The following ADAMTSL1 variants were observed in gnomAD, a reference collection of about 807,000 sequenced individuals.
The protein encoded by ADAMTSL1 is ADAMTS-like protein 1.
In ADAMTSL1, 126 loss-of-function variants were observed where a neutral mutation model predicts 201.8. The observed-to-expected ratio is 0.62, with a 90% CI of 0.54 to 0.72. ADAMTSL1 has a LOEUF of 0.72. Among genes scored for constraint, ADAMTSL1 ranks in the 30% least tolerant of loss-of-function variants. ADAMTSL1 has a pLI of 0.00. For missense variants in ADAMTSL1, 2,679 were observed against 2,277.8 expected (o/e 1.18, Z -3.59); for synonymous variants, 1,121 against 903.4 (o/e 1.24, Z -4.32).
intron 1 of ADAMTSL1, among the ~76,000 whole-genome samples, chr9:17,978,124 T>A (rs1818528296): frequency 6.6e-6 from 1 of 152,110 alleles, no homozygotes; most frequent in South Asian, 2.1e-4. Flanking sequence ...ATACTTCTGT[T>A]CTCTTTTAGT....
At position 18,910,612 on chromosome 9, in the gene ADAMTSL1, C is replaced by G. The variant is rs1336469404; in HGVS notation, c.*2064C>G. ...ATGATAAAGACAGACAAATTCCATA[C>G]TACTACTAATGTGGTTAATTATTTC... On this transcript the variant is annotated 3_prime_UTR_variant, in exon 29 of 29. Coordinates refer to ENST00000380548, the MANE Select transcript of ADAMTSL1 (RefSeq NM_001040272.6). The G allele has an allele frequency of 6.6e-6, 1 of 152,202 alleles. No individual in the cohort carries two copies. The highest frequency in any genetic ancestry group is 1.5e-5 in the Non-Finnish European group (1 of 68,034). The allele number at this position is 152,202 out of a possible 1,614,324, so 9.4% of individuals were successfully genotyped here. A position where few individuals can be genotyped will look rare whatever the true frequency, so the allele number is the denominator to read the frequency against.
upstream of ADAMTSL1, among the ~76,000 whole-genome samples, chr9:18,470,717 C>G (rs1821173937): frequency 6.6e-6 from 1 of 152,236 alleles, no homozygotes; most frequent in Non-Finnish European, 1.5e-5. Context: ...TTAGCTCACT[C>G]TTTCCTCCCA....
chr9:18,788,868 G>A (rs913526480), intron 19 of ADAMTSL1, among the ~76,000 whole-genome samples: 1 of 144,464 alleles, frequency 6.9e-6, no homozygotes, highest in Non-Finnish European at 1.5e-5. Flanking sequence ...CAGAATTCTG[G>A]CTTTTTTTTT....
intron 1 of ADAMTSL1, among the ~76,000 whole-genome samples, chr9:18,117,018 C>A (rs1490731691): frequency 2.0e-5 from 3 of 152,296 alleles, no homozygotes; most frequent in African/African-American, 7.2e-5. Context: ...CATTTGACTT[C>A]TCTTTTTTTC....
intron 2 of ADAMTSL1, among the ~76,000 whole-genome samples, chr9:18,326,007 GC>G (rs2132879041): frequency 6.6e-6 from 1 of 152,314 alleles, no homozygotes; most frequent in Admixed American, 6.5e-5. Context: ...CTCCCAAAGT[GC>G]TGGGATTACA....
At position 18,037,558 on chromosome 9, in the gene ADAMTSL1, T is replaced by A. The variant is rs140587437; in HGVS notation, c.88-126304T>A. ...AAGTGTTAATGATTGTCAAAGTATT[T>A]CAAAACTATGAAATGTGTATATATA... On this transcript the variant is annotated intron_variant, in intron 1 of 29. Coordinates refer to the ADAMTSL1 transcript ENST00000680146. Among the ~76,000 whole-genome samples the A allele has an allele frequency of 2.4e-3, 365 of 152,312 alleles. 1 individual carries two copies. Among genetic ancestry groups the A allele is most frequent in the African/African-American group, 8.7e-3 (361 of 41,562 alleles).
At chr9:18,517,179 T>C (rs1818406571) in intron 2 of ADAMTSL1, among the ~76,000 whole-genome samples, 4 of 152,166 alleles carry the variant, frequency 2.6e-5, no homozygotes, top group Non-Finnish European at 5.9e-5. Context: ...CCTTATGGCA[T>C]GTGTGTGTAT....
chr9:18,728,770 AGTGGAAGCCAGT>A (rs1818048622), intron 15 of ADAMTSL1, among the ~76,000 whole-genome samples: 1 of 152,180 alleles, frequency 6.6e-6, no homozygotes, highest in Admixed American at 6.5e-5. Flanking sequence ...AAGGACAAAA[AGTGGAAGCCAGT>A]GTTAGAGAGT....
chr9:17,992,704 G>C (rs771589043), intron 1 of ADAMTSL1, among the ~76,000 whole-genome samples: 1 of 152,094 alleles, frequency 6.6e-6, no homozygotes, highest in Non-Finnish European at 1.5e-5. Context: ...CTGCAGCCTG[G>C]GTGAACGGGC....
intron 2 of ADAMTSL1, among the ~76,000 whole-genome samples, chr9:18,246,249 T>A (rs905927036): frequency 1.3e-5 from 2 of 152,200 alleles, no homozygotes; most frequent in Non-Finnish European, 2.9e-5. Context: ...ATAATTGGGT[T>A]AATTTCTGCA....
chr9:18,906,226 A>G (rs1382604021), intron 27 of ADAMTSL1, among the ~76,000 whole-genome samples: 1 of 152,162 alleles, frequency 6.6e-6, no homozygotes, highest in Non-Finnish European at 1.5e-5. Context: ...CCAAGTCTCA[A>G]AGGCTCAAGC....
At chr9:18,445,607 T>A (rs561847109) in intron 2 of ADAMTSL1, among the ~76,000 whole-genome samples, 4 of 152,122 alleles carry the variant, frequency 2.6e-5, no homozygotes, top group East Asian at 1.9e-4. Flanking sequence ...AAACAAAGAG[T>A]TTACCAAATG....
At chr9:17,991,471 G>T (rs781190203) in intron 1 of ADAMTSL1, among the ~76,000 whole-genome samples, 1 of 152,122 alleles carries the variant, frequency 6.6e-6, no homozygotes, top group Non-Finnish European at 1.5e-5. Flanking sequence ...GGAGCCAGTT[G>T]ATGCTACTGA....
At chr9:18,850,205 G>A (rs538301825) in intron 23 of ADAMTSL1, among the ~76,000 whole-genome samples, 5 of 152,302 alleles carry the variant, frequency 3.3e-5, no homozygotes, top group South Asian at 4.2e-4. Flanking sequence ...TTTCCTGGCA[G>A]CAGGACACAA....
chr9:18,170,729 T>C (rs1456565640), intron 2 of ADAMTSL1, among the ~76,000 whole-genome samples: 2 of 152,062 alleles, frequency 1.3e-5, no homozygotes, highest in Admixed American at 6.6e-5. Flanking sequence ...AGTAAACTAC[T>C]GGTTAGCAGG....
chr9:18,293,656 C>A (rs58947678), intron 2 of ADAMTSL1, among the ~76,000 whole-genome samples: 7,837 of 152,246 alleles, frequency 0.051, 681 homozygotes, highest in African/African-American at 0.18. Flanking sequence ...ACACTGAGCA[C>A]TTCATATGCA....
At chr9:18,621,587 CACACACACACACAGT>C (rs1826037342) in intron 4 of ADAMTSL1, among the ~76,000 whole-genome samples, 1 of 122,454 alleles carries the variant, frequency 8.2e-6, no homozygotes, top group African/African-American at 2.9e-5. Context: ...CACACACACA[CACACACACACACAGT>C]AAGTTTGTAT....
At position 18,859,274 on chromosome 9, in the gene ADAMTSL1, C is replaced by T. The variant is rs12003678; in HGVS notation, c.4250-28557C>T. ...ATTCGTCTTTTCCAGCTCCTCAAAG[C>T]CACCTGCATCCCTTGGCTGTGGCCC... On this transcript the variant is annotated intron_variant, in intron 23 of 28. Transcript: ENST00000380548. Among the ~76,000 whole-genome samples the T allele has an allele frequency of 9.6e-3, 1,464 of 152,294 alleles. 24 individuals carry two copies. The highest frequency in any genetic ancestry group is 0.033 in the African/African-American group (1,366 of 41,562).
chr9:18,359,832 C>CA (rs1469326081), intron 2 of ADAMTSL1, among the ~76,000 whole-genome samples: 1 of 117,510 alleles, frequency 8.5e-6, no homozygotes, highest in African/African-American at 3.2e-5. Context: ...CACCCGCCCC[C>CA]CCGCCCACAC....
Sources: gnomAD v4.1 joint callset for allele counts (sites outside exome capture counted in the v4.1 genomes callset) on GRCh38, gnomAD v4.1.1 for gene constraint, MANE v1.5 for transcripts, NCBI Gene and HGNC (gene_info 2026-07-23, HGNC 2026-07-21) for gene names.